Variants in LDAF1 observed in about 807,000 individuals in gnomAD.
LDAF1 encodes lipid droplet assembly factor 1.
LDAF1 carries 7 observed loss-of-function variants against 13.5 expected under a neutral mutation model. The ratio of observed to expected loss-of-function variants is 0.52; its 90% CI spans 0.29 to 0.97. The LOEUF (loss-of-function observed/expected upper bound fraction) is 0.97. LDAF1 is among the 50% of genes least tolerant of loss of function. LDAF1 has a pLI of 0.07. For synonymous variants in LDAF1, 69 were observed against 77.1 expected (o/e 0.89, Z 0.55); for missense variants, 148 against 193.2 (o/e 0.77, Z 1.39).
chr16:21,168,081 C>T (rs966291656), intron 2 of LDAF1, among the ~76,000 whole-genome samples: 2 of 151,234 alleles, frequency 1.3e-5, no homozygotes, highest in Non-Finnish European at 2.9e-5. Flanking sequence ...ATGGCGCCAT[C>T]TTGGCTCACT....
In LDAF1 at chr16:21,179,769, G is replaced by GAT; in HGVS notation, c.*214_*215dup. 1.9e-6 allele frequency: 1 copy of GAT among 523,498 alleles called. No homozygotes were observed. The highest frequency in any genetic ancestry group is 3.4e-6 in the Non-Finnish European group (1 of 292,530). 32.4% of individuals were successfully genotyped at this position (523,498 alleles called of 1,614,324 possible). On this transcript the variant is annotated 3_prime_UTR_variant, in exon 5 of 5. Coordinates refer to ENST00000233047, the MANE Select transcript of LDAF1 (RefSeq NM_001301771.2). Reference sequence around the variant, plus strand: ...ATGTAAAGAAGCAGCAGAGAAATGCGATGGTTCAACAGCTCGCCCTGCCCC... The same window carrying GAT: ...ATGTAAAGAAGCAGCAGAGAAATGCGATATGGTTCAACAGCTCGCCCTGCCCC...
intron 3 of LDAF1, 147 bp downstream of exon 3, chr16:21,170,752 C>T: frequency 1.1e-6 from 1 of 946,032 alleles, no homozygotes; most frequent in Non-Finnish European, 1.6e-6. Context: ...GTGATCCTCC[C>T]ACGTCGGCCT....
chr16:21,179,048 A>G (rs77357754), intron 4 of LDAF1: 3,975 of 185,710 alleles, frequency 0.021, 52 homozygotes, highest in Non-Finnish European at 0.031. Context: ...GAAGGTGTCA[A>G]GAAACTAATT....
intron 4 of LDAF1, chr16:21,178,476 T>C (rs2093158386): frequency 1.2e-6 from 1 of 804,978 alleles, no homozygotes; most frequent in Non-Finnish European, 1.5e-6. Flanking sequence ...CAGGGAACTT[T>C]TTTTTATTGC....
chr16:21,161,222 C>T lies in LDAF1; in HGVS notation c.40C>T (p.Gln14Ter), dbSNP rs748267264. The T allele has an allele frequency of 3.1e-6, 5 of 1,614,230 alleles. No homozygotes were observed. The highest frequency in any genetic ancestry group is 2.2e-5 in the South Asian group (2 of 91,090). ...GCCCCAGAGTATCTCAAGGGACTTG[C>T]AGGAACTGCAGAAGAAGCTGTCTCT... ...EEPQSISRDL[Q>*]ELQKKLSLLI... The change falls in exon 2 of 5, where the codon CAG (glutamine) becomes TAG (stop). Residue 14 changes from glutamine (Q) to a stop codon, truncating the protein, a stop_gained. Transcript: ENST00000233047. LOFTEE classifies it high-confidence loss of function.
At position 21,175,270 on chromosome 16, in the gene LDAF1, T is replaced by C. The variant is rs577965825; in HGVS notation, c.404+1122T>C. Among the ~76,000 whole-genome samples the C allele has an allele frequency of 1.7e-4, 26 of 152,372 alleles. No homozygotes were observed. In the South Asian group the frequency reaches 5.4e-3, roughly 32 times the overall value. ...GTGCCAGGGACTCTCTTAAACACTTTCCAGGCCTTATGTCATGTAATCCTT... is the reference window on the plus strand; with the variant it reads ...GTGCCAGGGACTCTCTTAAACACTTCCCAGGCCTTATGTCATGTAATCCTT... On this transcript the variant is annotated intron_variant, in intron 4 of 4. Coordinates refer to ENST00000233047, the MANE Select transcript of LDAF1 (RefSeq NM_001301771.2).
intron 2 of LDAF1, 168 bp from the exon 3 acceptor site, chr16:21,170,269 T>A: frequency 3.0e-6 from 3 of 984,054 alleles, no homozygotes; most frequent in Non-Finnish European, 3.6e-6. Context: ...TCCCAAAGTG[T>A]TGGGATTACA....
chr16:21,161,335 A>G, intron 2 of LDAF1, 57 bp downstream of exon 2: 3 of 1,567,924 alleles, frequency 1.9e-6, no homozygotes, highest in Non-Finnish European at 2.6e-6. Flanking sequence ...TAGCATAAAC[A>G]AGATAGAAAG....
chr16:21,180,046 T>C lies in LDAF1; in HGVS notation c.*490T>C, dbSNP rs2152852489. On this transcript the variant is annotated 3_prime_UTR_variant, in exon 5 of 5. Coordinates refer to ENST00000233047, the MANE Select transcript of LDAF1 (RefSeq NM_001301771.2). ...TCAGAAAGAACAGCAACATTTGGCCTCTCCAAGTTGGAAAATAGAGTCCAA... is the reference window on the plus strand; with the variant it reads ...TCAGAAAGAACAGCAACATTTGGCCCCTCCAAGTTGGAAAATAGAGTCCAA... 6.4e-6 allele frequency: 1 copy of C among 155,844 alleles called. No individual in the cohort carries two copies. Among genetic ancestry groups the C allele is most frequent in the South Asian group, 1.9e-4 (1 of 5,130 alleles). 9.7% of individuals were successfully genotyped at this position (155,844 alleles called of 1,614,324 possible).
intron 2 of LDAF1, among the ~76,000 whole-genome samples, chr16:21,163,534 T>C (rs2092996312): frequency 6.6e-6 from 1 of 151,956 alleles, no homozygotes; most frequent in Non-Finnish European, 1.5e-5. Flanking sequence ...AATCCTAGCC[T>C]CTTGGGAGGC....
intron 3 of LDAF1, 148 bp downstream of exon 3, chr16:21,170,753 A>C (rs925751070): frequency 3.2e-6 from 3 of 941,112 alleles, no homozygotes; most frequent in Non-Finnish European, 4.7e-6. Flanking sequence ...TGATCCTCCC[A>C]CGTCGGCCTG....
intron 3 of LDAF1, chr16:21,172,684 T>A (rs939851765): frequency 5.9e-6 from 1 of 168,332 alleles, no homozygotes; most frequent in African/African-American, 2.4e-5. Flanking sequence ...CCAGAGAGTG[T>A]TGTTTTAGTA....
rs2093097231 is a variant in LDAF1 at position 21,172,338 on chromosome 16, T to C, written c.266-1672T>C. Among the ~76,000 whole-genome samples, 4 of 151,562 alleles carry C rather than the reference T, an allele frequency of 2.6e-5. No homozygotes were observed. In the South Asian group the frequency reaches 8.3e-4, roughly 32 times the overall value. On this transcript the variant is annotated intron_variant, in intron 3 of 4. Transcript: ENST00000233047. ...GGTGGGCACCTGTATCCCAGCTACT[T>C]GGGAGGCTGAGACAGTAGAATCACT...
At position 21,161,293 on chromosome 16, in the gene LDAF1, AC is replaced by A. The variant is rs762330631; in HGVS notation, c.96+16del. 82 of 1,612,580 alleles carry A rather than the reference AC, an allele frequency of 5.1e-5. No individual in the cohort carries two copies. The highest frequency in any genetic ancestry group is 6.9e-5 in the Non-Finnish European group (81 of 1,179,736). On this transcript the variant is annotated intron_variant, in intron 2 of 4. Transcript: ENST00000233047. ...ATAACTCAAAGGTCAGTTTCCAATC[AC>A]TATGTATAATGGAAAATCCCAATAT...
At chr16:21,164,282 C>T (rs1191976806) in intron 2 of LDAF1, among the ~76,000 whole-genome samples, 2 of 152,132 alleles carry the variant, frequency 1.3e-5, no homozygotes, top group African/African-American at 4.8e-5. Flanking sequence ...CTCACTCTGT[C>T]TTCCAGGCTG....
chr16:21,179,334 A>T, intron 4 of LDAF1, 141 bp from the exon 5 acceptor site: 1 of 1,544,792 alleles, frequency 6.5e-7, no homozygotes. Flanking sequence ...CTTCATCTGT[A>T]TAATGGACAT....
At chr16:21,170,717 G>A (rs2093079740) in intron 3 of LDAF1, 112 bp downstream of exon 3, 2 of 1,318,220 alleles carry the variant, frequency 1.5e-6, no homozygotes, top group Middle Eastern at 2.3e-4. Flanking sequence ...TGTTGCCCAG[G>A]CTGGTCTCAA....
rs74386052 is a variant in LDAF1, at chr16:21,174,494, G to A, written c.404+346G>A. On this transcript the variant is annotated intron_variant, in intron 4 of 4. Coordinates refer to ENST00000233047, the MANE Select transcript of LDAF1 (RefSeq NM_001301771.2). The stretch of plus-strand genomic sequence containing the variant: ...CTACAGGCATGAGCCACCACACCTT[G>A]CTGAGTAATTTAATCTTTGCCACTT... Among the ~76,000 whole-genome samples the A allele has an allele frequency of 8.7e-3, 1,327 of 152,112 alleles. 14 individuals carry two copies. The highest frequency in any genetic ancestry group is 0.03 in the African/African-American group (1,228 of 41,522).
intron 4 of LDAF1, among the ~76,000 whole-genome samples, chr16:21,175,190 A>G (rs1043602603): frequency 1.3e-5 from 2 of 152,206 alleles, no homozygotes; most frequent in Non-Finnish European, 2.9e-5. Context: ...CAAGTTCATC[A>G]TACTTCATTT....
Sources: allele counts gnomAD v4.1 joint callset (sites outside exome capture counted in the v4.1 genomes callset), GRCh38; gene constraint gnomAD v4.1.1; transcripts MANE v1.5; gene names NCBI Gene and HGNC (gene_info 2026-07-23, HGNC 2026-07-21).